INPP4A: variants seen among roughly 807,000 people sequenced by gnomAD.
The protein encoded by INPP4A is inositol polyphosphate-4-phosphatase type I A, also known as inositol polyphosphate-4-phosphatase, type I, 107kD.
INPP4A carries 33 observed loss-of-function variants against 119.8 expected under a neutral mutation model. The observed-to-expected ratio is 0.28, with a 90% confidence interval of 0.21 to 0.37. INPP4A has a LOEUF of 0.37. INPP4A is among the 10% of genes least tolerant of loss of function. The pLI is 1.00. For missense variants in INPP4A, 956 were observed against 1,289.9 expected (o/e 0.74, Z 3.97); for synonymous variants, 496 against 500.7 (o/e 0.99, Z 0.12).
chr2:98,543,558 G>A (rs187529978), intron 10 of INPP4A, among the ~76,000 whole-genome samples: 21 of 152,274 alleles, frequency 1.4e-4, no homozygotes, highest in Middle Eastern at 6.8e-3. Context: ...CCTGCAGGTC[G>A]TCAGGGTAAA....
In INPP4A at chr2:98,554,876, G is replaced by A. The variant is rs1052970649; in HGVS notation, c.1566+387G>A. On this transcript the variant is annotated intron_variant, in intron 15 of 24. Transcript: ENST00000409851. This position sits in a 1 kb window ranked among gnomAD's most constrained non-coding sequence, Gnocchi z 4.7. ...TCCAGGGCTATGTGTATTTGGGGAC[G>A]TGGGAGCTCTGGTGCTGGGGCAAGT... Among the ~76,000 whole-genome samples, 3 of 152,172 alleles carry A rather than the reference G, an allele frequency of 2.0e-5. No individual in the cohort carries two copies. Among genetic ancestry groups the A allele is most frequent in the Admixed American group, 6.5e-5 (1 of 15,288 alleles).
At chr2:98,529,076 C>CA (rs200658332) in intron 4 of INPP4A, among the ~76,000 whole-genome samples, 2,159 of 94,680 alleles carry the variant, frequency 0.023, 68 homozygotes, top group African/African-American at 0.075. Flanking sequence ...GAGACTGTCT[C>CA]AAAAAAAAAA....
At chr2:98,478,874 G>A (rs1485967556) in intron 1 of INPP4A, among the ~76,000 whole-genome samples, 1 of 152,126 alleles carries the variant, frequency 6.6e-6, no homozygotes, top group Non-Finnish European at 1.5e-5. Context: ...AAGAGGTCCG[G>A]TTTTTTTGTA....
chr2:98,485,235 A>G (rs528748527), intron 1 of INPP4A, among the ~76,000 whole-genome samples: 1 of 152,352 alleles, frequency 6.6e-6, no homozygotes, highest in Non-Finnish European at 1.5e-5. Flanking sequence ...CTTTGTAAGA[A>G]ACATTTTAGA....
At chr2:98,574,127 C>T (rs1697994640) in intron 23 of INPP4A, among the ~76,000 whole-genome samples, 1 of 152,166 alleles carries the variant, frequency 6.6e-6, no homozygotes, top group Non-Finnish European at 1.5e-5. Context: ...TTTGGGGCCT[C>T]ATCTGGCATT....
rs767784335 is a variant in INPP4A, at chr2:98,552,815, A to G, written c.1193A>G (p.Tyr398Cys). 1.9e-6 allele frequency: 3 copies of G among 1,613,630 alleles called. No individual in the cohort carries two copies. Among genetic ancestry groups the G allele is most frequent in the African/African-American group, 2.7e-5 (2 of 74,910 alleles). Residue 398 changes from tyrosine to cysteine, a missense_variant, in exon 14 of 25, where the codon TAC becomes TGC. This residue lies in a region of INPP4A where 652 missense variants were observed against 797.9 expected (regional missense o/e 0.82). Coordinates refer to ENST00000409851, the MANE Select transcript of INPP4A (RefSeq NM_001134225.2). The stretch of plus-strand genomic sequence containing the variant: ...TCATCTGGCTGCCAGTCCATAATCT[A>G]CATACCCCAGGATGTTGTCAGAGCC... ...HTSSGCQSII[Y>C]IPQDVVRAKE... is the part of the protein sequence containing the mutation.
rs1207332339 is a variant in INPP4A, at chr2:98,572,827, C to G, written c.2531C>G (p.Ser844Cys). 6.4e-7 allele frequency: 1 copy of G among 1,560,656 alleles called. No individual in the cohort carries two copies. The highest frequency in any genetic ancestry group is 1.2e-5 in the South Asian group (1 of 84,444). Reference protein sequence around the residue: ...EVLPEDCLPRSRSQTCLPELL... With the variant: ...EVLPEDCLPRCRSQTCLPELL... ...TTTTCTCTTCCAGGCCTGCCTCGGT[C>G]TCGCAGTCAGACGTGCCTGCCAGAG... The change falls in exon 23 of 25, where the codon TCT (serine) becomes TGT (cysteine). Residue 844 changes from serine to cysteine, a missense_variant. Physicochemically the swap from Ser to Cys is moderately radical, Grantham distance 112. Transcript: ENST00000409851.
At chr2:98,465,877 CT>C (rs1363539090) in intron 1 of INPP4A, among the ~76,000 whole-genome samples, 1 of 152,142 alleles carries the variant, frequency 6.6e-6, no homozygotes. Context: ...CAGACGGTGG[CT>C]TGGGTCTCAC....
rs1365486710 is a variant in INPP4A, at chr2:98,589,453, CT to C, written c.*1851del. 7 of 181,834 alleles carry C rather than the reference CT, an allele frequency of 3.8e-5. No individual in the cohort carries two copies. The highest frequency in any genetic ancestry group is 1.4e-4 in the African/African-American group (6 of 42,500). 11.3% of individuals were successfully genotyped at this position (181,834 alleles called of 1,614,324 possible). ...AATATTACCCACATAGTTTTCAGAT[CT>C]TTTTTGTCTGGAGAGCATTAAATAT... On this transcript the variant is annotated 3_prime_UTR_variant, in exon 25 of 25. Coordinates refer to ENST00000409851, the MANE Select transcript of INPP4A (RefSeq NM_001134225.2).
chr2:98,536,670 A>T (rs1454701799), intron 7 of INPP4A, among the ~76,000 whole-genome samples: 1 of 152,352 alleles, frequency 6.6e-6, no homozygotes. Context: ...AGACATCAGG[A>T]TGTCAGTCCT....
chr2:98,577,224 TGCAGGGCCTACCCTGCA>T, intron 24 of INPP4A, 81 bp downstream of exon 24: 1 of 1,407,946 alleles, frequency 7.1e-7, no homozygotes, highest in Non-Finnish European at 9.6e-7. Flanking sequence ...TGCTCCTGCC[TGCAGGGCCTACCCTGCA>T]TGAGCCCCTT....
At chr2:98,476,747 C>T (rs1452205444) in intron 1 of INPP4A, among the ~76,000 whole-genome samples, 1 of 152,226 alleles carries the variant, frequency 6.6e-6, no homozygotes, top group South Asian at 2.1e-4. Flanking sequence ...GCCTTGCCTC[C>T]CTTCCTGTCT....
chr2:98,517,274 A>T (rs1374171330), intron 1 of INPP4A, among the ~76,000 whole-genome samples: 1 of 152,164 alleles, frequency 6.6e-6, no homozygotes, highest in Non-Finnish European at 1.5e-5. Context: ...ACGAACATTT[A>T]GGTTGTCTCA....
At chr2:98,540,095 C>A (rs1691133893) in intron 10 of INPP4A, among the ~76,000 whole-genome samples, 1 of 152,114 alleles carries the variant, frequency 6.6e-6, no homozygotes, top group African/African-American at 2.4e-5. Flanking sequence ...CCAGGCCTGG[C>A]TAATTTTTGT....
At chr2:98,524,085 C>T (rs1687736353) in intron 4 of INPP4A, among the ~76,000 whole-genome samples, 2 of 152,154 alleles carry the variant, frequency 1.3e-5, no homozygotes, top group Admixed American at 1.3e-4. Context: ...TTTTAGCCAG[C>T]CTCCTACTGC....
intron 4 of INPP4A, among the ~76,000 whole-genome samples, chr2:98,529,099 C>G (rs561200578): frequency 2.0e-5 from 3 of 150,380 alleles, no homozygotes; most frequent in African/African-American, 2.4e-5. Flanking sequence ...AAAAAAATTT[C>G]TATTCATCAA....
At position 98,588,596 on chromosome 2, in the gene INPP4A, A is replaced by C. The variant is rs1472954601; in HGVS notation, c.*988A>C. 1 of 223,262 alleles carries C rather than the reference A, an allele frequency of 4.5e-6. No homozygotes were observed. Among genetic ancestry groups the C allele is most frequent in the African/African-American group, 2.2e-5 (1 of 44,792 alleles). 13.8% of individuals were successfully genotyped at this position (223,262 alleles called of 1,614,324 possible). On this transcript the variant is annotated 3_prime_UTR_variant, in exon 25 of 25. Transcript: ENST00000409851. ...AGTGTCTTATTTTTAGGTTTGCAAT[A>C]ATTGTTACTTTCTTATTCTCATTCT...
At chr2:98,573,279 G>T (rs1409888633) in intron 23 of INPP4A, among the ~76,000 whole-genome samples, 1 of 152,152 alleles carries the variant, frequency 6.6e-6, no homozygotes, top group African/African-American at 2.4e-5. Context: ...GACCTTTCAG[G>T]TCTCTTTAAA....
chr2:98,537,653 A>C (rs1213954965), intron 7 of INPP4A, among the ~76,000 whole-genome samples: 4 of 152,174 alleles, frequency 2.6e-5, no homozygotes, highest in African/African-American at 4.8e-5. Context: ...GTGTCCGTTC[A>C]GACACAGCCC....
Sources: allele counts gnomAD v4.1 joint callset (sites outside exome capture counted in the v4.1 genomes callset), GRCh38; gene constraint gnomAD v4.1.1; regional missense constraint gnomAD v4.1.1; non-coding constraint Gnocchi (gnomAD v3.1); transcripts MANE v1.5; gene names NCBI Gene and HGNC (gene_info 2026-07-23, HGNC 2026-07-21).